Variants in DLG2 observed in about 807,000 individuals in gnomAD.
The protein encoded by DLG2 is disks large homolog 2.
Under a neutral mutation model 132.5 loss-of-function variants are expected in DLG2, and 45 were observed. The observed-to-expected ratio is 0.34, with a 90% CI of 0.27 to 0.44. The LOEUF (loss-of-function observed/expected upper bound fraction) is 0.44. Ranked by LOEUF, DLG2 falls within the 20% of genes least tolerant of loss-of-function variation. DLG2 has a pLI of 1.00. For missense variants in DLG2, 1,045 were observed against 1,196.9 expected (o/e 0.87, Z 1.87); for synonymous variants, 424 against 419.6 (o/e 1.01, Z -0.13).
intron 7 of DLG2, among the ~76,000 whole-genome samples, chr11:84,449,314 T>C (rs1045152445): frequency 6.6e-6 from 1 of 151,868 alleles, no homozygotes; most frequent in Non-Finnish European, 1.5e-5. Context: ...TCATTTTCCA[T>C]CCTGCCACCT....
intron 19 of DLG2, among the ~76,000 whole-genome samples, chr11:83,629,562 T>C (rs7480415): frequency 0.013 from 1,914 of 152,294 alleles, 42 homozygotes; most frequent in African/African-American, 0.044. Context: ...AAATCTGCAC[T>C]TTTGTATAAA....
chr11:83,587,216 G>A (rs534236867), intron 19 of DLG2, among the ~76,000 whole-genome samples: 18 of 151,080 alleles, frequency 1.2e-4, no homozygotes, highest in African/African-American at 4.4e-4. Context: ...TTAATGTTTG[G>A]CTATAAGCAG....
intron 6 of DLG2, among the ~76,000 whole-genome samples, chr11:84,846,551 G>A (rs771772407): frequency 6.6e-6 from 1 of 152,058 alleles, no homozygotes; most frequent in Non-Finnish European, 1.5e-5. Context: ...CATCAAAAAT[G>A]TCACCCTCCA....
At chr11:83,988,997 A>G (rs182009651) in intron 11 of DLG2, among the ~76,000 whole-genome samples, 2 of 152,214 alleles carry the variant, frequency 1.3e-5, no homozygotes. Context: ...ATGCAAGTAG[A>G]ACAAAACCAG....
intron 6 of DLG2, among the ~76,000 whole-genome samples, chr11:84,753,559 G>T (rs2066461631): frequency 6.6e-6 from 1 of 152,116 alleles, no homozygotes; most frequent in Admixed American, 6.6e-5. Flanking sequence ...GGGAAATGAA[G>T]AATTTTATTT....
intron 7 of DLG2, among the ~76,000 whole-genome samples, chr11:84,297,011 T>C (rs1193439752): frequency 6.6e-6 from 1 of 152,034 alleles, no homozygotes; most frequent in African/African-American, 2.4e-5. Context: ...CTACAGCCTG[T>C]GGTCAGTATC....
At chr11:83,868,843 C>T (rs1595694636) in intron 16 of DLG2, among the ~76,000 whole-genome samples, 1 of 152,144 alleles carries the variant, frequency 6.6e-6, no homozygotes, top group Non-Finnish European at 1.5e-5. Flanking sequence ...TCAGGGTGTG[C>T]TGAAGGAAGT....
intron 11 of DLG2, among the ~76,000 whole-genome samples, chr11:84,048,539 A>G (rs1175274554): frequency 1.3e-5 from 2 of 151,736 alleles, no homozygotes; most frequent in Non-Finnish European, 3.0e-5. Flanking sequence ...CATGAGCCTG[A>G]ATAAAAAGTA....
At chr11:84,294,132 A>G (rs1024478799) in intron 7 of DLG2, among the ~76,000 whole-genome samples, 10 of 152,222 alleles carry the variant, frequency 6.6e-5, no homozygotes, top group Admixed American at 6.5e-4. Flanking sequence ...GCAAGACTGG[A>G]AATTGCAGCT....
At chr11:84,509,266 C>T (rs927723531) in intron 7 of DLG2, among the ~76,000 whole-genome samples, 2 of 152,112 alleles carry the variant, frequency 1.3e-5, no homozygotes, top group Non-Finnish European at 2.9e-5. Context: ...GTGACCTTGT[C>T]CTAAGAAGCA....
intron 19 of DLG2, among the ~76,000 whole-genome samples, chr11:83,548,655 A>G (rs1370466910): frequency 6.6e-6 from 1 of 152,148 alleles, no homozygotes; most frequent in African/African-American, 2.4e-5. Context: ...GAATCCCTGT[A>G]AACAGTTTGA....
chr11:83,937,230 G>A (rs1049374965), intron 14 of DLG2, among the ~76,000 whole-genome samples: 7 of 152,088 alleles, frequency 4.6e-5, no homozygotes, highest in Admixed American at 1.3e-4. Flanking sequence ...GAAACCAGCC[G>A]GGCGCGGTGG....
intron 4 of DLG2, among the ~76,000 whole-genome samples, chr11:85,246,359 G>A (rs1595677240): frequency 6.6e-6 from 1 of 151,792 alleles, no homozygotes; most frequent in Non-Finnish European, 1.5e-5. Flanking sequence ...TTAGAAAACA[G>A]GTCAGTAAGG....
At chr11:84,798,321 T>TAA in intron 6 of DLG2, among the ~76,000 whole-genome samples, 1 of 152,006 alleles carries the variant, frequency 6.6e-6, no homozygotes, top group Non-Finnish European at 1.5e-5. Flanking sequence ...GGGACTGAAG[T>TAA]AAAAAAAACC....
chr11:83,786,692 T>G lies in DLG2; in HGVS notation c.1823A>C (p.Glu608Ala), dbSNP rs2040028502. The change falls in exon 18 of 28, where the codon GAA becomes GCA. Residue 608 changes from glutamate (E) to alanine (A), a missense_variant and splice_region_variant. Around this residue, in one of 4 missense-constraint regions of DLG2, gnomAD observed 398 missense variants for 543.6 expected, o/e 0.73. Coordinates refer to ENST00000376104, the MANE Select transcript of DLG2 (RefSeq NM_001142699.3). The part of the protein sequence containing the change: ...TVTIIAQYQP[E>A]DYARFEAKIH... ...TATTAGTTTGAGTTCTGACTGACCT[T>G]CAGGTTGATATTGTGCTATAATCGT... 1.9e-6 allele frequency: 3 copies of G among 1,613,432 alleles called. No individual in the cohort carries two copies. The highest frequency in any genetic ancestry group is 2.5e-6 in the Non-Finnish European group (3 of 1,179,528).
intron 6 of DLG2, among the ~76,000 whole-genome samples, chr11:84,780,284 G>A (rs2071490127): frequency 6.6e-6 from 1 of 151,800 alleles, no homozygotes; most frequent in Non-Finnish European, 1.5e-5. Context: ...AAAACGATAT[G>A]ATCATCTCAA....
chr11:84,348,101 A>C (rs1600337712), intron 7 of DLG2, among the ~76,000 whole-genome samples: 2 of 152,336 alleles, frequency 1.3e-5, no homozygotes, highest in Non-Finnish European at 2.9e-5. Context: ...ATGCTCAACA[A>C]ATATCATATA....
intron 5 of DLG2, among the ~76,000 whole-genome samples, chr11:85,119,679 A>G (rs1327016799): frequency 2.0e-5 from 3 of 152,030 alleles, no homozygotes; most frequent in African/African-American, 4.8e-5. Flanking sequence ...AAAACAAGCT[A>G]CTTTTTTCTT....
chr11:84,024,938 A>G (rs2095499444), intron 11 of DLG2, among the ~76,000 whole-genome samples: 1 of 152,128 alleles, frequency 6.6e-6, no homozygotes, highest in South Asian at 2.1e-4. Context: ...TTGAGGTGAC[A>G]GATATATTAA....
Sources: gnomAD v4.1 joint callset for allele counts (sites outside exome capture counted in the v4.1 genomes callset) on GRCh38, gnomAD v4.1.1 for gene constraint, gnomAD v4.1.1 regional missense constraint, MANE v1.5 for transcripts, NCBI Gene and HGNC (gene_info 2026-07-23, HGNC 2026-07-21) for gene names.